SDC3: variants seen among roughly 807,000 people sequenced by gnomAD.
SDC3 encodes syndecan-3.
SDC3 carries 13 observed loss-of-function variants against 24.4 expected under a neutral mutation model. That is an observed-to-expected ratio of 0.53 (90% CI 0.35 to 0.85). The LOEUF is 0.85. SDC3 is among the 40% of genes least tolerant of loss of function. The pLI is 0.01. For synonymous variants in SDC3, 295 were observed against 260.9 expected (o/e 1.13, Z -1.26); for missense variants, 571 against 584.5 (o/e 0.98, Z 0.24).
chr1:30,899,368 AG>A (rs1638359238), intron 1 of SDC3, among the ~76,000 whole-genome samples: 1 of 151,864 alleles, frequency 6.6e-6, no homozygotes, highest in South Asian at 2.1e-4. Context: ...TACAGGCATG[AG>A]TCACCAAGCC....
chr1:30,901,850 T>C (rs1294343817), intron 1 of SDC3, among the ~76,000 whole-genome samples: 1 of 152,220 alleles, frequency 6.6e-6, no homozygotes, highest in African/African-American at 2.4e-5. Flanking sequence ...CCGCTCCTTA[T>C]TTACTTTAGT....
chr1:30,896,207 A>C (rs529186035), intron 1 of SDC3, among the ~76,000 whole-genome samples: 140 of 152,286 alleles, frequency 9.2e-4, no homozygotes, highest in African/African-American at 2.9e-3. Context: ...GGGAAAAGAA[A>C]CAAAGTAGCA....
At position 30,872,997 on chromosome 1, in the gene SDC3, G is replaced by A; in HGVS notation, c.*214C>T. On this transcript the variant is annotated 3_prime_UTR_variant, in exon 5 of 5. Coordinates refer to ENST00000339394, the MANE Select transcript of SDC3 (RefSeq NM_014654.4). Reference sequence around the variant, plus strand: ...CAGGGATGAGGGGAACAAGAGATGAGCTCGTAAGGGCACAGTCTGGGGCAG... The same window carrying A: ...CAGGGATGAGGGGAACAAGAGATGAACTCGTAAGGGCACAGTCTGGGGCAG... The A allele has an allele frequency of 3.5e-6, 2 of 566,536 alleles. No individual in the cohort carries two copies. Among genetic ancestry groups the A allele is most frequent in the Admixed American group, 3.3e-5 (1 of 30,456 alleles). 35.1% of individuals were successfully genotyped at this position (566,536 alleles called of 1,614,324 possible).
chr1:30,876,857 T>C lies in SDC3; in HGVS notation c.565A>G (p.Ser189Gly), dbSNP rs368647928. The change falls in exon 3 of 5, where the codon AGC (serine) becomes GGC (glycine). Residue 189 changes from serine to glycine, a missense_variant. Coordinates refer to ENST00000339394, the MANE Select transcript of SDC3 (RefSeq NM_014654.4). Reference protein sequence around the residue: ...VPATVATATPSTPAAPPFTAT... With the variant: ...VPATVATATPGTPAAPPFTAT... ...GTAAAAGGGGGTGCTGCAGGGGTGCTGGGGGTGGCGGTGGCCACTGTGGCA... is the reference window on the plus strand; with the variant it reads ...GTAAAAGGGGGTGCTGCAGGGGTGCCGGGGGTGGCGGTGGCCACTGTGGCA... 3.7e-6 allele frequency: 6 copies of C among 1,613,192 alleles called. No homozygotes were observed. The highest frequency in any genetic ancestry group is 1.7e-5 in the Admixed American group (1 of 59,934).
chr1:30,876,867 GGTGGCCACTGTGGCAGGCACT>G lies in SDC3; in HGVS notation c.534_554del (p.Val179_Thr185del), dbSNP rs1480997453. The G allele has an allele frequency of 6.2e-7, 1 of 1,613,260 alleles. No homozygotes were observed. Among genetic ancestry groups the G allele is most frequent in the African/African-American group, 1.3e-5 (1 of 74,900 alleles). ...GTGCTGCAGGGGTGCTGGGGGTGGC[GGTGGCCACTGTGGCAGGCACT>G]GTGGCCACAGTCGGGTCCCCTGTGC... On this transcript the variant is annotated inframe_deletion, in exon 3 of 5. Coordinates refer to ENST00000339394, the MANE Select transcript of SDC3 (RefSeq NM_014654.4).
chr1:30,873,971 T>A (rs190514592), intron 4 of SDC3, among the ~76,000 whole-genome samples: 82 of 151,958 alleles, frequency 5.4e-4, no homozygotes, highest in African/African-American at 1.6e-3. Flanking sequence ...GAGATTAGCA[T>A]CTAGGAAGTA....
At position 30,908,645 on chromosome 1, in the gene SDC3, G is replaced by C; in HGVS notation, c.-59C>G. The C allele has an allele frequency of 1.6e-6, 1 of 626,458 alleles. No homozygotes were observed. The highest frequency in any genetic ancestry group is 2.0e-6 in the Non-Finnish European group (1 of 505,464). 38.8% of individuals were successfully genotyped at this position (626,458 alleles called of 1,614,324 possible). ...GCGGGCGCCTTTGTTCCCGAGGCGC[G>C]GCGCGCGGGGCGGCTGCTTGGCGGC... is the stretch of plus-strand genomic sequence containing the variant. On this transcript the variant is annotated 5_prime_UTR_variant, in exon 1 of 5. Coordinates refer to ENST00000339394, the MANE Select transcript of SDC3 (RefSeq NM_014654.4).
intron 3 of SDC3, 76 bp from the exon 4 acceptor site, chr1:30,874,664 G>A (rs143595573): frequency 5.0e-6 from 7 of 1,412,070 alleles, no homozygotes; most frequent in Non-Finnish European, 6.9e-6. Flanking sequence ...TACTGCCCTG[G>A]GGGGCTAACA....
At chr1:30,898,305 C>G (rs762525761) in intron 1 of SDC3, among the ~76,000 whole-genome samples, 26 of 152,278 alleles carry the variant, frequency 1.7e-4, no homozygotes, top group Non-Finnish European at 3.2e-4. Context: ...TGCCATCTGT[C>G]AAGGCCTGGT....
At chr1:30,882,893 T>C (rs1298323574) in intron 1 of SDC3, among the ~76,000 whole-genome samples, 1 of 152,168 alleles carries the variant, frequency 6.6e-6, no homozygotes, top group East Asian at 1.9e-4. Flanking sequence ...TTTTCTCATC[T>C]GTAAAATGGA....
At position 30,879,515 on chromosome 1, in the gene SDC3, G is replaced by A. The variant is rs543058220; in HGVS notation, c.139-775C>T. ...TCTGCCCAGAAAGAAAAATACCCAC[G>A]GTGGAGGAGCTAGAACTCCCCATGG... On this transcript the variant is annotated intron_variant, in intron 1 of 4. Transcript: ENST00000339394. Among the ~76,000 whole-genome samples, 15 of 152,160 alleles carry A rather than the reference G, an allele frequency of 9.9e-5. No individual in the cohort carries two copies. The East Asian group carries it at 1.2e-3, about 12-fold the overall frequency.
intron 1 of SDC3, among the ~76,000 whole-genome samples, chr1:30,894,896 C>T (rs1215084703): frequency 6.6e-6 from 1 of 151,824 alleles, no homozygotes; most frequent in Non-Finnish European, 1.5e-5. Context: ...TCCATGTTAG[C>T]GTGGAGGGCT....
chr1:30,906,093 G>A (rs775529738), intron 1 of SDC3, among the ~76,000 whole-genome samples: 1 of 152,012 alleles, frequency 6.6e-6, no homozygotes, highest in Non-Finnish European at 1.5e-5. Context: ...CCCTGGCTGG[G>A]GCTCTTCTGA....
chr1:30,875,343 C>T (rs906103924), intron 3 of SDC3, among the ~76,000 whole-genome samples: 2 of 152,206 alleles, frequency 1.3e-5, no homozygotes, highest in African/African-American at 4.8e-5. Context: ...GCCCTGTGCA[C>T]CTTCTCCTGG....
rs372685746 is a variant in SDC3, at chr1:30,876,976, G to A, written c.446C>T (p.Pro149Leu). Residue 149 changes from proline to leucine, a missense_variant, in exon 3 of 5, where the codon CCG becomes CTG. Physicochemically the swap from Pro to Leu is moderately conservative, Grantham distance 98 (BLOSUM62 -3). This residue lies in a region of SDC3 where 497 missense variants were observed against 471.6 expected (regional missense o/e 1.05). Coordinates refer to ENST00000339394, the MANE Select transcript of SDC3 (RefSeq NM_014654.4). ...GGTGGCTCTCTGGCTGGGCTCTTCC[G>A]GGACTTCTGTCACCACCAGGGGGCT... The part of the protein sequence containing the change: ...ATSPLVVTEV[P>L]EEPSQRATTV... 3.4e-5 allele frequency: 55 copies of A among 1,613,564 alleles called. No homozygotes were observed. The South Asian group carries it at 3.8e-4, about 11-fold the overall frequency.
At chr1:30,883,677 T>A (rs1441086571) in intron 1 of SDC3, among the ~76,000 whole-genome samples, 1 of 151,948 alleles carries the variant, frequency 6.6e-6, no homozygotes, top group Non-Finnish European at 1.5e-5. Flanking sequence ...AAGGCTACAC[T>A]GGGCCTGAGG....
chr1:30,896,505 T>C (rs1455214700), intron 1 of SDC3, among the ~76,000 whole-genome samples: 1 of 152,084 alleles, frequency 6.6e-6, no homozygotes, highest in Non-Finnish European at 1.5e-5. Flanking sequence ...GGGGTCATTA[T>C]TGGATTCCCA....
At chr1:30,888,136 T>C (rs748564432) in intron 1 of SDC3, among the ~76,000 whole-genome samples, 3 of 152,242 alleles carry the variant, frequency 2.0e-5, no homozygotes, top group Non-Finnish European at 4.4e-5. Context: ...CACTGGACTC[T>C]ACCTTCTCAG....
chr1:30,887,515 G>T (rs943449232), intron 1 of SDC3, among the ~76,000 whole-genome samples: 1 of 152,114 alleles, frequency 6.6e-6, no homozygotes, highest in Non-Finnish European at 1.5e-5. Context: ...CCCACTCAAA[G>T]CTCACCTCCC....
Sources: gnomAD v4.1 joint callset for allele counts (sites outside exome capture counted in the v4.1 genomes callset) on GRCh38, gnomAD v4.1.1 for gene constraint, gnomAD v4.1.1 regional missense constraint, MANE v1.5 for transcripts, NCBI Gene and HGNC (gene_info 2026-07-23, HGNC 2026-07-21) for gene names.